Variants in GNAL observed in about 807,000 individuals in gnomAD.
The protein encoded by GNAL is G protein subunit alpha L.
Under a neutral mutation model 55.1 loss-of-function variants are expected in GNAL, and 18 were observed. That is an observed-to-expected ratio of 0.33 (90% CI 0.23 to 0.48). The LOEUF (loss-of-function observed/expected upper bound fraction) is 0.48. GNAL is among the 20% of genes least tolerant of loss of function. The pLI is 0.99. For synonymous variants in GNAL, 253 were observed against 237.0 expected (o/e 1.07, Z -0.62); for missense variants, 412 against 614.1 (o/e 0.67, Z 3.48).
chr18:11,858,552 A>C (rs1024553467), intron 5 of GNAL, among the ~76,000 whole-genome samples: 4 of 152,200 alleles, frequency 2.6e-5, no homozygotes, highest in African/African-American at 4.8e-5. Flanking sequence ...AGAAGCCCCA[A>C]TTTGAAAAAG....
chr18:11,689,320 C>T lies in GNAL; in HGVS notation c.-244C>T. 3.1e-6 allele frequency: 1 copy of T among 323,376 alleles called. No individual in the cohort carries two copies. 20.0% of individuals were successfully genotyped at this position (323,376 alleles called of 1,614,324 possible). On this transcript the variant is annotated 5_prime_UTR_variant, in exon 1 of 12. Coordinates refer to ENST00000334049, the MANE Select transcript of GNAL (RefSeq NM_182978.4). ...TGATCTCCAGCCAAGGCGGCCGCCACCCCTTGCACACAGCAGAAAATGCAA... is the reference window on the plus strand; with the variant it reads ...TGATCTCCAGCCAAGGCGGCCGCCATCCCTTGCACACAGCAGAAAATGCAA...
At position 11,883,088 on chromosome 18, in the gene GNAL, T is replaced by A. The variant is rs1320364371; in HGVS notation, c.*1953T>A. ...GTCTTTAGTCTTTAATATTTTAAAG[T>A]TTACTCTATAAATCAGCATTTTGTA... On this transcript the variant is annotated 3_prime_UTR_variant, in exon 12 of 12. Coordinates refer to ENST00000334049, the MANE Select transcript of GNAL (RefSeq NM_182978.4). 1 of 152,234 alleles carries A rather than the reference T, an allele frequency of 6.6e-6. No individual in the cohort carries two copies. Among genetic ancestry groups the A allele is most frequent in the Non-Finnish European group, 1.5e-5 (1 of 68,056 alleles). 9.4% of individuals were successfully genotyped at this position (152,234 alleles called of 1,614,324 possible).
intron 5 of GNAL, among the ~76,000 whole-genome samples, chr18:11,831,684 A>G (rs1274518812): frequency 6.6e-6 from 1 of 152,132 alleles, no homozygotes. Flanking sequence ...TACCTTGTCC[A>G]CTCCGTAATC....
intron 11 of GNAL, among the ~76,000 whole-genome samples, chr18:11,876,928 G>T (rs368624298): frequency 3.3e-5 from 5 of 152,126 alleles, no homozygotes; most frequent in African/African-American, 1.2e-4. Flanking sequence ...AGCGTTCCAG[G>T]GAATGGCACT....
At chr18:11,823,419 T>C (rs1394366134) in intron 4 of GNAL, among the ~76,000 whole-genome samples, 1 of 152,188 alleles carries the variant, frequency 6.6e-6, no homozygotes, top group Non-Finnish European at 1.5e-5. Flanking sequence ...TGCCATAACT[T>C]ACAAGATTGT....
At chr18:11,876,738 TG>T in intron 11 of GNAL, 50 bp downstream of exon 11, 1 of 1,003,922 alleles carries the variant, frequency 1.0e-6, no homozygotes, top group Non-Finnish European at 1.6e-6. Flanking sequence ...CTTAATCTTT[TG>T]TTTCTTACAA....
intron 1 of GNAL, among the ~76,000 whole-genome samples, chr18:11,721,797 T>G (rs2032099352): frequency 6.6e-6 from 1 of 151,822 alleles, no homozygotes; most frequent in Admixed American, 6.6e-5. Flanking sequence ...TCTGCCCACC[T>G]TGGCCTTGAA....
intron 1 of GNAL, among the ~76,000 whole-genome samples, chr18:11,740,714 A>G (rs2032558420): frequency 6.6e-6 from 1 of 152,194 alleles, no homozygotes; most frequent in African/African-American, 2.4e-5. Context: ...TCAACCATAC[A>G]ATACATCTAA....
At chr18:11,819,535 A>G (rs2035040751) in intron 4 of GNAL, among the ~76,000 whole-genome samples, 1 of 152,134 alleles carries the variant, frequency 6.6e-6, no homozygotes, top group Non-Finnish European at 1.5e-5. Flanking sequence ...ATATTCACAT[A>G]TATCAGTTGC....
At chr18:11,794,945 C>T (rs1187331982) in intron 4 of GNAL, among the ~76,000 whole-genome samples, 1 of 152,036 alleles carries the variant, frequency 6.6e-6, no homozygotes, top group South Asian at 2.1e-4. Context: ...GAGGTTCAAG[C>T]GATTCTCCTG....
intron 10 of GNAL, chr18:11,874,437 A>G (rs2036475993): frequency 6.7e-6 from 1 of 149,390 alleles, no homozygotes; most frequent in South Asian, 2.2e-4. Context: ...TAAATGTCTA[A>G]AAAGTAAATT....
At chr18:11,789,215 C>T (rs111715752) in intron 4 of GNAL, among the ~76,000 whole-genome samples, 39 of 152,222 alleles carry the variant, frequency 2.6e-4, no homozygotes, top group African/African-American at 8.9e-4. Context: ...GGGCATTGCT[C>T]TTACTTGCCA....
At chr18:11,776,196 G>T (rs2033778380) in intron 4 of GNAL, among the ~76,000 whole-genome samples, 2 of 152,108 alleles carry the variant, frequency 1.3e-5, no homozygotes. Flanking sequence ...TAATTCAGTT[G>T]CCCATGCTAT....
intron 4 of GNAL, among the ~76,000 whole-genome samples, chr18:11,763,368 C>T (rs1814409487): frequency 6.6e-6 from 1 of 152,162 alleles, no homozygotes; most frequent in Non-Finnish European, 1.5e-5. Flanking sequence ...TCTGTAACCA[C>T]AGCACAGGTA....
At chr18:11,874,771 A>T (rs1223897863) in intron 10 of GNAL, among the ~76,000 whole-genome samples, 1 of 146,630 alleles carries the variant, frequency 6.8e-6, no homozygotes, top group Non-Finnish European at 1.5e-5. Context: ...TCCAGAACAC[A>T]GCCCAGGCAG....
intron 6 of GNAL, 84 bp downstream of exon 6, chr18:11,862,533 A>C (rs139738499): frequency 1.2e-4 from 145 of 1,191,056 alleles, no homozygotes; most frequent in Non-Finnish European, 1.7e-4. Context: ...TTCAGAATGA[A>C]TTAAGGAAAA....
In GNAL at chr18:11,754,998, ATGTGTGTGTGTG is replaced by A. The variant is rs59291287; in HGVS notation, c.624+1073_624+1084del. Among the ~76,000 whole-genome samples the A allele has an allele frequency of 1.1e-4, 16 of 149,156 alleles. No individual in the cohort carries two copies. In the East Asian group the frequency reaches 1.2e-3, roughly 11 times the overall value. ...TACAGTGCACCAGAAGTGAGTGTGTATGTGTGTGTGTGTGTGTGTGTGTGTGTGTGTATGTGT... is the reference window on the plus strand; with the variant it reads ...TACAGTGCACCAGAAGTGAGTGTGTATGTGTGTGTGTGTGTGTGTATGTGT... On this transcript the variant is annotated intron_variant, in intron 4 of 11. Transcript: ENST00000334049.
intron 1 of GNAL, among the ~76,000 whole-genome samples, chr18:11,737,061 T>C (rs899416938): frequency 1.3e-5 from 2 of 152,252 alleles, no homozygotes; most frequent in African/African-American, 4.8e-5. Context: ...ATACTATTCT[T>C]TCTGTGAGCT....
chr18:11,761,922 A>T (rs2033256652), intron 4 of GNAL, among the ~76,000 whole-genome samples: 1 of 152,182 alleles, frequency 6.6e-6, no homozygotes, highest in South Asian at 2.1e-4. Flanking sequence ...TTCTTGTTCT[A>T]ATTTGCACAC....
Sources: gnomAD v4.1 joint callset for allele counts (sites outside exome capture counted in the v4.1 genomes callset) on GRCh38, gnomAD v4.1.1 for gene constraint, MANE v1.5 for transcripts, NCBI Gene and HGNC (gene_info 2026-07-23, HGNC 2026-07-21) for gene names.